The following USP5 variants were observed in gnomAD, a reference collection of about 807,000 sequenced individuals.
USP5 encodes ubiquitin carboxyl-terminal hydrolase 5.
Under a neutral mutation model 102.5 loss-of-function variants are expected in USP5, and 24 were observed. The observed-to-expected ratio is 0.23, with a 90% CI of 0.17 to 0.33. USP5 has a LOEUF of 0.33. Among genes scored for constraint, USP5 ranks in the 10% least tolerant of loss-of-function variants. The pLI is 1.00. For synonymous variants in USP5, 460 were observed against 434.8 expected, an observed-to-expected ratio of 1.06 and a Z score of -0.72; for missense variants, 753 against 1,122.1, an observed-to-expected ratio of 0.67 and a Z score of 4.70.
intron 9 of USP5, 57 bp downstream of exon 9, chr12:6,859,598 C>T: frequency 6.4e-7 from 1 of 1,561,316 alleles, no homozygotes; most frequent in Non-Finnish European, 8.8e-7. Context: ...GTATACCTTC[C>T]TCCTCCCTGA....
At chr12:6,857,003 T>C (rs1280622319) in intron 6 of USP5, 112 bp downstream of exon 6, 3 of 1,372,808 alleles carry the variant, frequency 2.2e-6, no homozygotes, top group Admixed American at 2.4e-5. Context: ...GAAAGGAAAG[T>C]AGTCAGGTGC....
Position 6,864,071 on chromosome 12 carries a change from T to G in USP5, c.2120T>G (p.Leu707Arg). 1 of 1,611,400 alleles carries G rather than the reference T, an allele frequency of 6.2e-7. No individual in the cohort carries two copies. The highest frequency in any genetic ancestry group is 8.5e-7 in the Non-Finnish European group (1 of 1,178,494). Residue 707 changes from leucine (L) to arginine (R), a missense_variant, in exon 17 of 20, where the codon CTG becomes CGG. By Grantham distance (102) the Leu-to-Arg change is moderately radical. Transcript: ENST00000229268. This position sits in a 1 kb window ranked among gnomAD's most constrained non-coding sequence, Gnocchi z 4.8. ...DDPDFANPLI[L>R]PGSSGPGSTS... ...ACAGATTTTGCAAACCCCCTCATCC[T>G]GCCTGGCTCTAGTGGGCCGGGCTCC...
In USP5 at chr12:6,859,552, A is replaced by G; in HGVS notation, c.1130+11A>G. 2 of 1,614,014 alleles carry G rather than the reference A, an allele frequency of 1.2e-6. No homozygotes were observed. Among genetic ancestry groups the G allele is most frequent in the East Asian group, 2.2e-5 (1 of 44,884 alleles). On this transcript the variant is annotated intron_variant, in intron 9 of 19. Coordinates refer to ENST00000229268, the MANE Select transcript of USP5 (RefSeq NM_001098536.2). ...TTTCAGCACCCAGGTGTATGTAACC[A>G]GGTCCTATGTAGGAAAGCTGTTGAC...
At chr12:6,862,588 C>G in intron 14 of USP5, 30 bp downstream of exon 14, 1 of 1,596,664 alleles carries the variant, frequency 6.3e-7, no homozygotes, top group Middle Eastern at 1.7e-4. Flanking sequence ...GGAGGTTACA[C>G]AGAAAATGCT....
Position 6,864,063 on chromosome 12 carries a change from C to T in USP5, c.2112C>T (p.Pro704=). 2 of 1,609,900 alleles carry T rather than the reference C, an allele frequency of 1.2e-6. No homozygotes were observed. The highest frequency in any genetic ancestry group is 2.2e-5 in the East Asian group (1 of 44,808). ...SHMDDPDFAN[P]LILPGSSGPG... ...TCACATCCACAGATTTTGCAAACCC[C>T]CTCATCCTGCCTGGCTCTAGTGGGC... The change falls in exon 17 of 20, where the codon CCC becomes CCT. Residue 704 remains proline (P), a synonymous_variant. Coordinates refer to ENST00000229268, the MANE Select transcript of USP5 (RefSeq NM_001098536.2). This position sits in a 1 kb window ranked among gnomAD's most constrained non-coding sequence, Gnocchi z 4.8.
chr12:6,855,700 A>G lies in USP5; in HGVS notation c.238-55A>G, dbSNP rs1436120467. The G allele has an allele frequency of 3.7e-6, 6 of 1,611,276 alleles. No individual in the cohort carries two copies. The highest frequency in any genetic ancestry group is 1.3e-5 in the African/African-American group (1 of 74,792). On this transcript the variant is annotated intron_variant, in intron 2 of 19. Transcript: ENST00000229268. The surrounding 1 kb of genome is among the most constrained non-coding windows in gnomAD (Gnocchi z 4.6). Reference sequence around the variant, plus strand: ...CTACCTCCTTCCGTCCCTCCTCCCGACTTGTTCCTTCGCTCGTGCTCATTG... The same window carrying G: ...CTACCTCCTTCCGTCCCTCCTCCCGGCTTGTTCCTTCGCTCGTGCTCATTG...
chr12:6,853,754 C>T (rs945730692), intron 1 of USP5, among the ~76,000 whole-genome samples: 9 of 152,218 alleles, frequency 5.9e-5, no homozygotes, highest in Non-Finnish European at 1.0e-4. Flanking sequence ...AACCAACTTC[C>T]AGCATATTTG....
At chr12:6,862,674 T>C (rs1171054053) in intron 14 of USP5, 116 bp downstream of exon 14, 1 of 871,182 alleles carries the variant, frequency 1.1e-6, no homozygotes, top group African/African-American at 1.7e-5. Flanking sequence ...AAAAATCACC[T>C]TCAATGTTTC....
chr12:6,860,275 T>TTG lies in USP5; in HGVS notation c.1218+40_1218+41dup. 6.2e-7 allele frequency: 1 copy of TTG among 1,610,878 alleles called. No homozygotes were observed. The highest frequency in any genetic ancestry group is 8.5e-7 in the Non-Finnish European group (1 of 1,177,764). On this transcript the variant is annotated intron_variant, in intron 10 of 19. Transcript: ENST00000229268. This position sits in a 1 kb window ranked among gnomAD's most constrained non-coding sequence, Gnocchi z 5.5. ...ACCCTGTCCCTTTCAGGCCCTGGGA[T>TTG]TGTGGGGAAGCTGAGGTCTGGGAGA...
In USP5 at chr12:6,860,054, G is replaced by C; in HGVS notation, c.1131-97G>C. On this transcript the variant is annotated intron_variant, in intron 9 of 19. Coordinates refer to ENST00000229268, the MANE Select transcript of USP5 (RefSeq NM_001098536.2). This position sits in a 1 kb window ranked among gnomAD's most constrained non-coding sequence, Gnocchi z 5.5. ...AATCTAAGGTTTTTCACGTTGTTGA[G>C]AGTTAGCTAGGGAGAGCCACGAGCA... 2.3e-6 allele frequency: 3 copies of C among 1,330,422 alleles called. No individual in the cohort carries two copies. The highest frequency in any genetic ancestry group is 3.2e-6 in the Non-Finnish European group (3 of 946,378). 82.4% of individuals were successfully genotyped at this position (1,330,422 alleles called of 1,614,324 possible).
Position 6,863,812 on chromosome 12 carries a change from C to T in USP5, c.1955-18C>T. 1 of 1,557,438 alleles carries T rather than the reference C, an allele frequency of 6.4e-7. No individual in the cohort carries two copies. Among genetic ancestry groups the T allele is most frequent in the Non-Finnish European group, 8.7e-7 (1 of 1,147,754 alleles). The stretch of plus-strand genomic sequence containing the variant: ...TGGCCCAATCAGTCGGTCCGTGTAC[C>T]CACAATTCCCATTACAGCGCCCATG... On this transcript the variant is annotated intron_variant, in intron 15 of 19. Coordinates refer to ENST00000229268, the MANE Select transcript of USP5 (RefSeq NM_001098536.2). The surrounding 1 kb of genome is among the most constrained non-coding windows in gnomAD (Gnocchi z 4.7).
Position 6,860,678 on chromosome 12 carries a change from G to A in USP5, c.1344+187G>A, listed in dbSNP as rs1944252695. ...GATGATCCCTACCCTTGATGGGCTT[G>A]AAGCCCAATTCAGATTATGCCCAAA... On this transcript the variant is annotated intron_variant, in intron 11 of 19. Coordinates refer to ENST00000229268, the MANE Select transcript of USP5 (RefSeq NM_001098536.2). This position sits in a 1 kb window ranked among gnomAD's most constrained non-coding sequence, Gnocchi z 5.5. Among the ~76,000 whole-genome samples the A allele has an allele frequency of 6.6e-6, 1 of 152,218 alleles. No homozygotes were observed. Among genetic ancestry groups the A allele is most frequent in the Non-Finnish European group, 1.5e-5 (1 of 68,040 alleles).
In USP5 at chr12:6,855,306, G is replaced by A. The variant is rs1944075396; in HGVS notation, c.112-95G>A. ...TGTTAGAGAACAGAACATTTCTTCT[G>A]GAACCCAGCAGTTTCTGACTCCAGG... On this transcript the variant is annotated intron_variant, in intron 1 of 19. Coordinates refer to ENST00000229268, the MANE Select transcript of USP5 (RefSeq NM_001098536.2). The surrounding 1 kb of genome is among the most constrained non-coding windows in gnomAD (Gnocchi z 4.6). 6.6e-7 allele frequency: 1 copy of A among 1,526,296 alleles called. No individual in the cohort carries two copies. The highest frequency in any genetic ancestry group is 1.9e-5 in the Admixed American group (1 of 51,948). 94.5% of individuals were successfully genotyped at this position (1,526,296 alleles called of 1,614,324 possible).
chr12:6,858,732 C>T lies in USP5; in HGVS notation c.1058+115C>T. 1 of 1,020,530 alleles carries T rather than the reference C, an allele frequency of 9.8e-7. No individual in the cohort carries two copies. The highest frequency in any genetic ancestry group is 1.4e-6 in the Non-Finnish European group (1 of 712,328). 63.2% of individuals were successfully genotyped at this position (1,020,530 alleles called of 1,614,324 possible). On this transcript the variant is annotated intron_variant, in intron 8 of 19. Transcript: ENST00000229268. The surrounding 1 kb of genome is among the most constrained non-coding windows in gnomAD (Gnocchi z 4.2). Reference sequence around the variant, plus strand: ...TTTGATTCTAGTCTTAGAGTAGTTCCTATCGGCTGGGTGTGTTGGCCCACA... The same window carrying T: ...TTTGATTCTAGTCTTAGAGTAGTTCTTATCGGCTGGGTGTGTTGGCCCACA...
At chr12:6,857,471 T>C (rs187648383) in intron 6 of USP5, 158 bp from the exon 7 acceptor site, 394 of 607,160 alleles carry the variant, frequency 6.5e-4, no homozygotes, top group Middle Eastern at 4.0e-3. Context: ...AGAAGGGCCA[T>C]GACCGCACTC....
Position 6,866,195 on chromosome 12 carries a change from C to A in USP5, c.*118C>A. The A allele has an allele frequency of 1.1e-6, 1 of 948,380 alleles. No individual in the cohort carries two copies. The highest frequency in any genetic ancestry group is 1.6e-6 in the Non-Finnish European group (1 of 626,982). 58.7% of individuals were successfully genotyped at this position (948,380 alleles called of 1,614,324 possible). ...GTACCCTTTTTCCTTTTGTCCCCGG[C>A]AGCAGGGAAGAAGCTGGAGGCCGTG... is the stretch of plus-strand genomic sequence containing the variant. On this transcript the variant is annotated 3_prime_UTR_variant, in exon 20 of 20. Coordinates refer to ENST00000229268, the MANE Select transcript of USP5 (RefSeq NM_001098536.2). The surrounding 1 kb of genome is among the most constrained non-coding windows in gnomAD (Gnocchi z 4.7).
Position 6,852,297 on chromosome 12 carries a change from C to T in USP5, c.111+7C>T. 1 of 1,603,240 alleles carries T rather than the reference C, an allele frequency of 6.2e-7. No individual in the cohort carries two copies. Among genetic ancestry groups the T allele is most frequent in the Non-Finnish European group, 8.5e-7 (1 of 1,175,106 alleles). On this transcript the variant is annotated splice_region_variant and intron_variant, in intron 1 of 19. Coordinates refer to ENST00000229268, the MANE Select transcript of USP5 (RefSeq NM_001098536.2). ...CTTCTCCTTCGACACGCCGGTAAGCCCATTCCCCACGCCCGCAACGAGCAC... is the reference window on the plus strand; with the variant it reads ...CTTCTCCTTCGACACGCCGGTAAGCTCATTCCCCACGCCCGCAACGAGCAC...
chr12:6,866,129 A>AGG lies in USP5; in HGVS notation c.*54_*55dup. On this transcript the variant is annotated 3_prime_UTR_variant, in exon 20 of 20. Coordinates refer to ENST00000229268, the MANE Select transcript of USP5 (RefSeq NM_001098536.2). This position sits in a 1 kb window ranked among gnomAD's most constrained non-coding sequence, Gnocchi z 4.7. ...GGGCAGGGGAAGACCACCTGGCATGAGGGAGAGGGGCTGAGGGATGGACTT... is the reference window on the plus strand; with the variant it reads ...GGGCAGGGGAAGACCACCTGGCATGAGGGGGAGAGGGGCTGAGGGATGGACTT... The AGG allele has an allele frequency of 6.5e-7, 1 of 1,531,244 alleles. No individual in the cohort carries two copies. The highest frequency in any genetic ancestry group is 2.3e-5 in the East Asian group (1 of 44,432). 94.9% of individuals were successfully genotyped at this position (1,531,244 alleles called of 1,614,324 possible). A position where few individuals can be genotyped will look rare whatever the true frequency, so the allele number is the denominator to read the frequency against.
Position 6,856,352 on chromosome 12 carries a change from C to T in USP5, c.486C>T (p.Arg162=). The part of the protein sequence containing the change: ...EALLSADSAS[R]KQEVQAWDGE... ...TACTGTCGGCCGACTCAGCCTCCCG[C>T]AAGCAGGAGGTGCAGGCATGGGATG... Residue 162 remains arginine, a synonymous_variant, in exon 5 of 20, where the codon CGC becomes CGT. Coordinates refer to ENST00000229268, the MANE Select transcript of USP5 (RefSeq NM_001098536.2). This position sits in a 1 kb window ranked among gnomAD's most constrained non-coding sequence, Gnocchi z 5.6. 6.2e-7 allele frequency: 1 copy of T among 1,613,970 alleles called. No individual in the cohort carries two copies. The highest frequency in any genetic ancestry group is 8.5e-7 in the Non-Finnish European group (1 of 1,179,972).
Sources: allele counts gnomAD v4.1 joint callset (sites outside exome capture counted in the v4.1 genomes callset), GRCh38; gene constraint gnomAD v4.1.1; non-coding constraint Gnocchi (gnomAD v3.1); transcripts MANE v1.5; gene names NCBI Gene and HGNC (gene_info 2026-07-23, HGNC 2026-07-21).